The following VAV3 variants were observed in gnomAD, a reference collection of about 807,000 sequenced individuals.
VAV3 encodes guanine nucleotide exchange factor VAV3.
A neutral mutation model predicts 131.2 loss-of-function variants in VAV3; 94 were observed. The ratio of observed to expected loss-of-function variants is 0.72; its 90% confidence interval spans 0.61 to 0.85. The LOEUF is 0.85. Ranked by LOEUF, VAV3 falls within the 40% of genes least tolerant of loss-of-function variation. The pLI, the probability that VAV3 is intolerant of heterozygous loss-of-function variation, is 0.00. For missense variants in VAV3, 939 were observed against 1,002.7 expected (o/e 0.94, Z 0.86); for synonymous variants, 349 against 342.0 (o/e 1.02, Z -0.22).
chr1:107,706,617 A>C (rs1470424686), intron 15 of VAV3, among the ~76,000 whole-genome samples: 1 of 152,210 alleles, frequency 6.6e-6, no homozygotes, highest in Non-Finnish European at 1.5e-5. Flanking sequence ...AAGGATCTAG[A>C]AACAAAACTT....
chr1:107,757,220 G>A (rs768476056), intron 11 of VAV3, 41 bp downstream of exon 11: 1 of 1,531,302 alleles, frequency 6.5e-7, no homozygotes, highest in Non-Finnish European at 9.0e-7. Context: ...CTTTAGGCAA[G>A]AATAAAAAAT....
intron 2 of VAV3, among the ~76,000 whole-genome samples, chr1:107,864,492 A>C (rs147355290): frequency 1.3e-5 from 2 of 152,024 alleles, no homozygotes; most frequent in African/African-American, 4.8e-5. Flanking sequence ...CTGTGGTGGC[A>C]TGCACCTGTA....
intron 20 of VAV3, among the ~76,000 whole-genome samples, chr1:107,622,436 T>C (rs964243916): frequency 7.9e-5 from 12 of 152,170 alleles, no homozygotes; most frequent in African/African-American, 2.9e-4. Context: ...CTGAAAATCT[T>C]AATCATAAAT....
chr1:107,574,526 T>C (rs576771298), intron 25 of VAV3, among the ~76,000 whole-genome samples: 5 of 152,326 alleles, frequency 3.3e-5, no homozygotes, highest in African/African-American at 1.2e-4. Context: ...TATCTAAGTA[T>C]CTAAGGAGAT....
At position 107,716,612 on chromosome 1, in the gene VAV3, G is replaced by A. The variant is rs527559462; in HGVS notation, c.1503-11551C>T. Reference sequence around the variant, plus strand: ...CTTGATCATGGTGGATAAGCTTTTTGATGTGCTGCTGGATTCAGTTTGCCA... The same window carrying A: ...CTTGATCATGGTGGATAAGCTTTTTAATGTGCTGCTGGATTCAGTTTGCCA... On this transcript the variant is annotated intron_variant, in intron 15 of 26. Coordinates refer to ENST00000370056, the MANE Select transcript of VAV3 (RefSeq NM_006113.5). Among the ~76,000 whole-genome samples, 4 of 152,302 alleles carry A rather than the reference G, an allele frequency of 2.6e-5. No homozygotes were observed. In the South Asian group the frequency reaches 6.2e-4, roughly 24 times the overall value.
chr1:107,952,487 C>CGTATATATAT (rs1557943615), intron 1 of VAV3, among the ~76,000 whole-genome samples: 2 of 133,474 alleles, frequency 1.5e-5, no homozygotes, highest in Non-Finnish European at 3.1e-5. Context: ...TATATATATA[C>CGTATATATAT]ACACATAAAT....
intron 4 of VAV3, among the ~76,000 whole-genome samples, chr1:107,774,598 A>G (rs1665232436): frequency 1.3e-5 from 2 of 152,238 alleles, no homozygotes; most frequent in Non-Finnish European, 2.9e-5. Flanking sequence ...CAATAAATCA[A>G]AAACAATCGA....
At chr1:107,905,534 A>T (rs1417024318) in intron 1 of VAV3, among the ~76,000 whole-genome samples, 2 of 150,612 alleles carry the variant, frequency 1.3e-5, no homozygotes, top group Non-Finnish European at 3.0e-5. Flanking sequence ...CTGACATCTT[A>T]AAAAAAAAAT....
At chr1:107,875,111 A>C (rs1670434233) in intron 1 of VAV3, 94 bp from the exon 2 acceptor site, 3 of 1,098,210 alleles carry the variant, frequency 2.7e-6, no homozygotes, top group African/African-American at 3.1e-5. Context: ...AAATGACAAG[A>C]AAGCATCAAG....
chr1:107,796,628 T>C (rs984929365), intron 2 of VAV3, among the ~76,000 whole-genome samples: 1 of 152,036 alleles, frequency 6.6e-6, no homozygotes, highest in Admixed American at 6.5e-5. Flanking sequence ...TGAATCTGTT[T>C]GGGGCCTAAA....
At chr1:107,839,265 C>A (rs1013679676) in intron 2 of VAV3, among the ~76,000 whole-genome samples, 3 of 152,034 alleles carry the variant, frequency 2.0e-5, no homozygotes, top group African/African-American at 7.2e-5. Flanking sequence ...AAACTGATAA[C>A]CTATTTTATT....
intron 2 of VAV3, among the ~76,000 whole-genome samples, chr1:107,832,669 T>C (rs141168109): frequency 6.6e-6 from 1 of 152,328 alleles, no homozygotes; most frequent in African/African-American, 2.4e-5. Context: ...AACACCTCGG[T>C]AGAAATGGCT....
At chr1:107,956,844 T>G (rs969033206) in intron 1 of VAV3, among the ~76,000 whole-genome samples, 6 of 152,162 alleles carry the variant, frequency 3.9e-5, no homozygotes, top group African/African-American at 1.4e-4. Context: ...AAGTAACAAG[T>G]TGAATTTTAC....
chr1:107,912,954 CA>C (rs1672437661), intron 1 of VAV3, among the ~76,000 whole-genome samples: 1 of 152,202 alleles, frequency 6.6e-6, no homozygotes, highest in African/African-American at 2.4e-5. Context: ...TCAAGGAAGT[CA>C]ACATGCCTAT....
Position 107,964,948 on chromosome 1 carries a change from C to T in VAV3, c.-79G>A. 1.7e-6 allele frequency: 2 copies of T among 1,163,142 alleles called. No individual in the cohort carries two copies. Among genetic ancestry groups the T allele is most frequent in the African/African-American group, 1.6e-5 (1 of 61,516 alleles). 72.1% of individuals were successfully genotyped at this position (1,163,142 alleles called of 1,614,324 possible). A position where few individuals can be genotyped will look rare whatever the true frequency, so the allele number is the denominator to read the frequency against. The stretch of plus-strand genomic sequence containing the variant: ...GCCGCCGCCGCCGCCGCGGTTCCTC[C>T]GCGCCCCGCCGACGCCAACAGCCGC... On this transcript the variant is annotated 5_prime_UTR_variant, in exon 1 of 27. Transcript: ENST00000370056.
At chr1:107,909,399 T>A (rs1026475952) in intron 1 of VAV3, among the ~76,000 whole-genome samples, 3 of 152,132 alleles carry the variant, frequency 2.0e-5, no homozygotes, top group African/African-American at 7.2e-5. Flanking sequence ...TTAACTGCAC[T>A]AAAGGATTTT....
chr1:107,671,694 C>T (rs545359560), intron 19 of VAV3, among the ~76,000 whole-genome samples: 47 of 152,178 alleles, frequency 3.1e-4, no homozygotes, highest in African/African-American at 1.1e-3. Flanking sequence ...CTACTCTGAA[C>T]TCAAAAGGCA....
intron 13 of VAV3, among the ~76,000 whole-genome samples, chr1:107,749,827 A>C (rs1275005202): frequency 1.3e-5 from 2 of 152,158 alleles, no homozygotes. Flanking sequence ...AATGGGCAAA[A>C]ATCATAGTAA....
intron 2 of VAV3, among the ~76,000 whole-genome samples, chr1:107,822,089 A>C (rs77125988): frequency 0.093 from 14,165 of 152,090 alleles, 829 homozygotes; most frequent in East Asian, 0.25. Context: ...ACTAGGGCAA[A>C]AACTCACCAG....
Sources: allele counts gnomAD v4.1 joint callset (sites outside exome capture counted in the v4.1 genomes callset), GRCh38; gene constraint gnomAD v4.1.1; transcripts MANE v1.5; gene names NCBI Gene and HGNC (gene_info 2026-07-23, HGNC 2026-07-21).